AK5: variants seen among roughly 807,000 people sequenced by gnomAD.
AK5 encodes the protein adenylate kinase 5.
In AK5, 27 loss-of-function variants were observed where a neutral mutation model predicts 69.5. The observed-to-expected ratio is 0.39, with a 90% CI of 0.29 to 0.54. AK5 has a LOEUF of 0.54. AK5 is among the 20% of genes least tolerant of loss of function. AK5 has a pLI of 0.71. For synonymous variants in AK5, 260 were observed against 244.4 expected, an observed-to-expected ratio of 1.06 and a Z score of -0.60; for missense variants, 531 against 700.4, an observed-to-expected ratio of 0.76 and a Z score of 2.73.
At chr1:77,540,968 G>A (rs1003098636) in intron 13 of AK5, among the ~76,000 whole-genome samples, 5 of 151,794 alleles carry the variant, frequency 3.3e-5, no homozygotes, top group Admixed American at 2.0e-4. Context: ...ATGCAATGGC[G>A]CAATCTTGGC....
chr1:77,557,602 T>C (rs139470934), intron 13 of AK5, among the ~76,000 whole-genome samples: 1 of 152,130 alleles, frequency 6.6e-6, no homozygotes, highest in Non-Finnish European at 1.5e-5. Flanking sequence ...GGACTCTACC[T>C]TAGCACACCT....
chr1:77,534,591 TTGTA>T (rs1190630616), intron 12 of AK5, among the ~76,000 whole-genome samples: 1 of 152,190 alleles, frequency 6.6e-6, no homozygotes, highest in African/African-American at 2.4e-5. Context: ...ATCATCCTCA[TTGTA>T]TGAATGAGAA....
chr1:77,558,552 T>C (rs1660250028), intron 13 of AK5, 50 bp from the exon 14 acceptor site: 4 of 1,203,814 alleles, frequency 3.3e-6, no homozygotes, highest in Middle Eastern at 2.6e-4. Flanking sequence ...TTATTAAACA[T>C]GATTTACAGA....
At chr1:77,351,051 T>G (rs769786348) in intron 6 of AK5, among the ~76,000 whole-genome samples, 7 of 152,198 alleles carry the variant, frequency 4.6e-5, no homozygotes, top group Non-Finnish European at 1.0e-4. Context: ...TAAAGCACTG[T>G]GCAATAATTG....
chr1:77,407,204 T>G (rs1216188321), intron 6 of AK5, among the ~76,000 whole-genome samples: 1 of 152,008 alleles, frequency 6.6e-6, no homozygotes, highest in Non-Finnish European at 1.5e-5. Context: ...AATGGAGACA[T>G]GGAAAATTTT....
chr1:77,282,159 TGGCCTG>T lies in AK5; in HGVS notation c.-151_-146del. On this transcript the variant is annotated 5_prime_UTR_variant, in exon 1 of 14. Coordinates refer to ENST00000354567, the MANE Select transcript of AK5 (RefSeq NM_174858.3). Reference sequence around the variant, plus strand: ...CCCGGGGAGAGGCGGAGGGGGTCCCTGGCCTGGGCGGAGAGGCTGAGCTGAGTGCGC... The same window carrying T: ...CCCGGGGAGAGGCGGAGGGGGTCCCTGGCGGAGAGGCTGAGCTGAGTGCGC... 1.7e-6 allele frequency: 1 copy of T among 580,012 alleles called. No individual in the cohort carries two copies. Among genetic ancestry groups the T allele is most frequent in the Non-Finnish European group, 2.8e-6 (1 of 352,086 alleles). The allele number at this position is 580,012 out of a possible 1,614,324, so 35.9% of individuals were successfully genotyped here.
intron 8 of AK5, among the ~76,000 whole-genome samples, chr1:77,446,711 GT>G (rs1165376079): frequency 6.6e-6 from 1 of 152,042 alleles, no homozygotes; most frequent in African/African-American, 2.4e-5. Context: ...TGTTATTGTT[GT>G]TGTTGTTGTT....
intron 6 of AK5, among the ~76,000 whole-genome samples, chr1:77,389,449 G>A (rs997810005): frequency 5.3e-5 from 8 of 152,154 alleles, no homozygotes; most frequent in Admixed American, 3.3e-4. Context: ...TGAAACAGGA[G>A]AAATGCTGGA....
intron 7 of AK5, among the ~76,000 whole-genome samples, chr1:77,416,395 T>G (rs1002535306): frequency 6.6e-6 from 1 of 152,200 alleles, no homozygotes; most frequent in African/African-American, 2.4e-5. Flanking sequence ...AACACACTTA[T>G]GCAACTGCAA....
At chr1:77,497,227 C>T (rs189498744) in intron 10 of AK5, among the ~76,000 whole-genome samples, 10 of 152,240 alleles carry the variant, frequency 6.6e-5, no homozygotes, top group African/African-American at 1.7e-4. Context: ...CGAAGGTCTG[C>T]GGCTTCACTC....
chr1:77,322,027 C>T (rs1660561981), intron 5 of AK5, among the ~76,000 whole-genome samples: 1 of 152,142 alleles, frequency 6.6e-6, no homozygotes, highest in Admixed American at 6.5e-5. Context: ...TGAGCCGTGT[C>T]TAGCTTATTA....
chr1:77,507,870 G>C (rs1247480904), intron 10 of AK5, among the ~76,000 whole-genome samples: 4 of 152,220 alleles, frequency 2.6e-5, no homozygotes, highest in Non-Finnish European at 5.9e-5. Context: ...TTTTTATTAT[G>C]AAAATATTTC....
At chr1:77,493,400 A>G (rs749599950) in intron 10 of AK5, among the ~76,000 whole-genome samples, 1 of 151,704 alleles carries the variant, frequency 6.6e-6, no homozygotes, top group Non-Finnish European at 1.5e-5. Context: ...TCCTCTGCTT[A>G]TAGAAGGCCT....
chr1:77,365,992 TCACCAC>T (rs2100450363), intron 6 of AK5, among the ~76,000 whole-genome samples: 1 of 152,212 alleles, frequency 6.6e-6, no homozygotes, highest in African/African-American at 2.4e-5. Context: ...ATCTCAGAAA[TCACCAC>T]TAAAGAACTT....
At chr1:77,364,307 G>A (rs946908631) in intron 6 of AK5, among the ~76,000 whole-genome samples, 11 of 152,094 alleles carry the variant, frequency 7.2e-5, no homozygotes, top group African/African-American at 2.4e-4. Context: ...GTACATGTAA[G>A]GTGCAATGAT....
intron 6 of AK5, among the ~76,000 whole-genome samples, chr1:77,367,571 A>G (rs58324737): frequency 1.3e-4 from 2 of 15,752 alleles, no homozygotes; most frequent in Admixed American, 1.1e-3. Flanking sequence ...ATATATATAT[A>G]TATATATAAT....
chr1:77,366,182 A>T (rs2100450955), intron 6 of AK5, among the ~76,000 whole-genome samples: 1 of 152,332 alleles, frequency 6.6e-6, no homozygotes, highest in South Asian at 2.1e-4. Flanking sequence ...TATGAAAGAG[A>T]CAGAAAAAAA....
intron 8 of AK5, among the ~76,000 whole-genome samples, chr1:77,459,125 A>G (rs547356208): frequency 1.3e-5 from 2 of 152,244 alleles, no homozygotes; most frequent in African/African-American, 2.4e-5. Flanking sequence ...CATGTATCCT[A>G]TGTGGAAAAT....
chr1:77,298,653 CCACA>C (rs150529091), intron 5 of AK5, among the ~76,000 whole-genome samples: 2 of 146,226 alleles, frequency 1.4e-5, no homozygotes, highest in Non-Finnish European at 1.5e-5. Flanking sequence ...AAAAAAAAAA[CCACA>C]CACACACACA....
Sources: allele counts gnomAD v4.1 joint callset (sites outside exome capture counted in the v4.1 genomes callset), GRCh38; gene constraint gnomAD v4.1.1; transcripts MANE v1.5; gene names NCBI Gene and HGNC (gene_info 2026-07-23, HGNC 2026-07-21).